The following P4HA2 variants were observed in gnomAD, a reference collection of about 807,000 sequenced individuals.
P4HA2 encodes the protein prolyl 4-hydroxylase subunit alpha 2.
P4HA2 carries 46 observed loss-of-function variants against 76.9 expected under a neutral mutation model. The ratio of observed to expected loss-of-function variants is 0.60; its 90% CI spans 0.47 to 0.76. The LOEUF is 0.76. Ranked by LOEUF, P4HA2 falls within the 30% of genes least tolerant of loss-of-function variation. The pLI is 0.00. For synonymous variants in P4HA2, 243 were observed against 254.0 expected (o/e 0.96, Z 0.41); for missense variants, 583 against 669.4 (o/e 0.87, Z 1.42).
intron 1 of P4HA2, among the ~76,000 whole-genome samples, chr5:132,225,049 GAAAAAAAA>G (rs371037185): frequency 1.5e-4 from 17 of 116,642 alleles, no homozygotes; most frequent in African/African-American, 5.6e-4. Flanking sequence ...CTGCTCTGAG[GAAAAAAAA>G]AAAAAAAAAA....
chr5:132,208,434 A>G (rs1250040844), intron 7 of P4HA2, among the ~76,000 whole-genome samples: 9 of 2,742 alleles, frequency 3.3e-3, no homozygotes, highest in African/African-American at 6.9e-3. Flanking sequence ...GGAGGGGAGG[A>G]GAGGGGGGAA....
chr5:132,198,475 G>A, intron 11 of P4HA2, 95 bp from the exon 12 acceptor site: 1 of 1,148,532 alleles, frequency 8.7e-7, no homozygotes, highest in Non-Finnish European at 1.3e-6. Flanking sequence ...AGTAATAAGT[G>A]TGTGTTCCAT....
intron 7 of P4HA2, among the ~76,000 whole-genome samples, chr5:132,208,293 GAAAAGA>G (rs1752476379): frequency 1.5e-5 from 2 of 130,372 alleles, no homozygotes; most frequent in East Asian, 4.4e-4. Context: ...ACGAAAGAAA[GAAAAGA>G]AAAGGAAAAA....
chr5:132,192,933 T>C lies in P4HA2; in HGVS notation c.*77A>G. The stretch of plus-strand genomic sequence containing the variant: ...TCCAAAAATCAGCCTGATAGGAACA[T>C]ACAAAGGAACATACAAAGGTGTCTG... On this transcript the variant is annotated 3_prime_UTR_variant, in exon 15 of 15. Coordinates refer to ENST00000360568, the MANE Select transcript of P4HA2 (RefSeq NM_001017974.2). 2.1e-6 allele frequency: 2 copies of C among 944,854 alleles called. No individual in the cohort carries two copies. The highest frequency in any genetic ancestry group is 3.5e-6 in the Non-Finnish European group (2 of 577,278). 58.5% of individuals were successfully genotyped at this position (944,854 alleles called of 1,614,324 possible). A position where few individuals can be genotyped will look rare whatever the true frequency, so the allele number is the denominator to read the frequency against.
At chr5:132,214,995 G>C (rs1185404598) in intron 4 of P4HA2, among the ~76,000 whole-genome samples, 1 of 152,216 alleles carries the variant, frequency 6.6e-6, no homozygotes, top group Non-Finnish European at 1.5e-5. Context: ...TCTAAGCTGA[G>C]AAGTGAGAGG....
intron 7 of P4HA2, among the ~76,000 whole-genome samples, 179 bp from the exon 8 acceptor site, chr5:132,208,063 G>A (rs949251953): frequency 1.3e-5 from 2 of 151,900 alleles, no homozygotes; most frequent in African/African-American, 4.8e-5. Flanking sequence ...CCTGTAATCC[G>A]AGAACTCTGG....
chr5:132,194,556 C>A (rs1031795554), intron 14 of P4HA2, among the ~76,000 whole-genome samples: 4 of 152,004 alleles, frequency 2.6e-5, no homozygotes, highest in Non-Finnish European at 4.4e-5. Context: ...CTGGTTTTAG[C>A]CTGTGCCTCC....
In P4HA2 at chr5:132,190,608, C is replaced by CTATA. The variant is rs1015828985; in HGVS notation, c.*2398_*2401dup. Among the ~76,000 whole-genome samples, 1 of 152,122 alleles carries CTATA rather than the reference C, an allele frequency of 6.6e-6. No individual in the cohort carries two copies. Among genetic ancestry groups the CTATA allele is most frequent in the Admixed American group, 6.5e-5 (1 of 15,272 alleles). On this transcript the variant is annotated 3_prime_UTR_variant, in exon 15 of 15. Transcript: ENST00000360568. ...TAAAGATAAACCTAAATGACAAAGA[C>CTATA]TATATAGCTTTCAGAAGAGAACACA...
chr5:132,217,428 T>G, intron 3 of P4HA2, 80 bp from the exon 4 acceptor site: 2 of 1,416,680 alleles, frequency 1.4e-6, no homozygotes, highest in Non-Finnish European at 2.0e-6. Context: ...TAGTGAGAAT[T>G]CCCTGGTGCC....
At chr5:132,207,974 T>G in intron 7 of P4HA2, 90 bp from the exon 8 acceptor site, 1 of 1,013,224 alleles carries the variant, frequency 9.9e-7, no homozygotes, top group Non-Finnish European at 1.4e-6. Flanking sequence ...ACTCACCTCA[T>G]GGCCAGCAGC....
In P4HA2 at chr5:132,198,503, G is replaced by A; in HGVS notation, c.1306-123C>T. 8 of 907,034 alleles carry A rather than the reference G, an allele frequency of 8.8e-6. No homozygotes were observed. The South Asian group carries it at 1.0e-4, about 12-fold the overall frequency. 56.2% of individuals were successfully genotyped at this position (907,034 alleles called of 1,614,324 possible). A position where few individuals can be genotyped will look rare whatever the true frequency, so the allele number is the denominator to read the frequency against. ...TGTTCCATAAATCAGCCTGGAATAT[G>A]TGCCAAAGCTGCAAAGTAAATTCTG... On this transcript the variant is annotated intron_variant, in intron 11 of 14. Transcript: ENST00000360568.
At chr5:132,203,238 G>C (rs1751758266) in intron 10 of P4HA2, 1 of 157,884 alleles carries the variant, frequency 6.3e-6, no homozygotes, top group Non-Finnish European at 1.4e-5. Flanking sequence ...CAGGGGTTTA[G>C]TGCCGCTTTC....
intron 12 of P4HA2, among the ~76,000 whole-genome samples, chr5:132,196,520 C>T (rs2126533417): frequency 6.6e-6 from 1 of 152,296 alleles, no homozygotes; most frequent in Middle Eastern, 3.4e-3. Context: ...CACTGAACCC[C>T]AAGCCTGGGG....
chr5:132,194,890 G>A, intron 14 of P4HA2, 36 bp downstream of exon 14: 1 of 1,421,498 alleles, frequency 7.0e-7, no homozygotes, highest in Non-Finnish European at 1.0e-6. Flanking sequence ...CCAAGCTGAG[G>A]CCACCAACAC....
At chr5:132,195,109 A>G (rs1750438931) in intron 13 of P4HA2, 87 bp from the exon 14 acceptor site, 2 of 887,944 alleles carry the variant, frequency 2.3e-6, no homozygotes, top group Non-Finnish European at 3.8e-6. Flanking sequence ...CTCTGCCCTG[A>G]GCAGAAACAC....
chr5:132,205,459 G>A (rs1752087055), intron 8 of P4HA2, among the ~76,000 whole-genome samples: 1 of 152,194 alleles, frequency 6.6e-6, no homozygotes, highest in South Asian at 2.1e-4. Context: ...GCTTTATGCA[G>A]GGGAGGGACA....
At chr5:132,222,381 G>A (rs1024858601) in intron 1 of P4HA2, among the ~76,000 whole-genome samples, 6 of 152,058 alleles carry the variant, frequency 3.9e-5, no homozygotes, top group South Asian at 2.1e-4. Flanking sequence ...AGGCAAGTAT[G>A]GGGGGTACCC....
chr5:132,218,676 A>C, intron 1 of P4HA2, 32 bp from the exon 2 acceptor site: 2 of 1,383,862 alleles, frequency 1.4e-6, no homozygotes, highest in Non-Finnish European at 2.1e-6. Flanking sequence ...TCACTGGATC[A>C]ACAAAGTGAA....
At chr5:132,209,699 C>T (rs140036303) in intron 6 of P4HA2, among the ~76,000 whole-genome samples, 13 of 138,668 alleles carry the variant, frequency 9.4e-5, no homozygotes, top group South Asian at 2.3e-4. Flanking sequence ...CTCATCAACC[C>T]GGGAGGCGGA....
Sources: gnomAD v4.1 joint callset for allele counts (sites outside exome capture counted in the v4.1 genomes callset) on GRCh38, gnomAD v4.1.1 for gene constraint, MANE v1.5 for transcripts, NCBI Gene and HGNC (gene_info 2026-07-23, HGNC 2026-07-21) for gene names.